CMTM8: variants seen among roughly 807,000 people sequenced by gnomAD.
The protein encoded by CMTM8 is CKLF-like MARVEL transmembrane domain-containing protein 8.
Under a neutral mutation model 18.6 loss-of-function variants are expected in CMTM8, and 12 were observed. That is an observed-to-expected ratio of 0.65 (90% CI 0.41 to 1.05). The LOEUF (loss-of-function observed/expected upper bound fraction) is 1.05, where lower values mean the gene tolerates loss of function less well. CMTM8 is among the 50% of genes least tolerant of loss of function. The pLI is 0.00. For missense variants in CMTM8, 217 were observed against 227.2 expected, an observed-to-expected ratio of 0.95 and a Z score of 0.29; for synonymous variants, 87 against 90.6, an observed-to-expected ratio of 0.96 and a Z score of 0.23.
chr3:32,256,732 C>T (rs1702178078), intron 1 of CMTM8, among the ~76,000 whole-genome samples: 1 of 152,202 alleles, frequency 6.6e-6, no homozygotes, highest in African/African-American at 2.4e-5. Context: ...TCTCCCTGCC[C>T]TCACTCTAAT....
chr3:32,287,487 A>G (rs750038275), intron 1 of CMTM8, among the ~76,000 whole-genome samples: 36 of 152,176 alleles, frequency 2.4e-4, no homozygotes, highest in Non-Finnish European at 4.1e-4. Context: ...TAACTGATTT[A>G]TTTTTGTAGT....
chr3:32,354,245 C>T (rs928496510), intron 1 of CMTM8, among the ~76,000 whole-genome samples: 2 of 151,674 alleles, frequency 1.3e-5, no homozygotes, highest in South Asian at 2.1e-4. Flanking sequence ...TTATCTTAAA[C>T]ACAAAGCAAA....
intron 1 of CMTM8, among the ~76,000 whole-genome samples, chr3:32,324,705 C>G (rs1206787512): frequency 6.6e-6 from 1 of 151,640 alleles, no homozygotes; most frequent in Non-Finnish European, 1.5e-5. Flanking sequence ...GCAGAATTAC[C>G]TACCAACCCC....
chr3:32,351,303 A>G (rs897462965), intron 1 of CMTM8, among the ~76,000 whole-genome samples: 9 of 152,268 alleles, frequency 5.9e-5, no homozygotes, highest in African/African-American at 1.9e-4. Flanking sequence ...ATGCTAGTGG[A>G]TTAAAGATGT....
At chr3:32,273,822 C>T (rs12330304) in intron 1 of CMTM8, among the ~76,000 whole-genome samples, 2,599 of 152,026 alleles carry the variant, frequency 0.017, 78 homozygotes, top group African/African-American at 0.057. Flanking sequence ...ACACTTTAAA[C>T]GGTGAATTTT....
Position 32,291,296 on chromosome 3 carries a change from T to C in CMTM8, c.147+52177T>C, listed in dbSNP as rs1299812531. 5.3e-5 allele frequency among the ~76,000 whole-genome samples: 8 copies of C among 152,116 alleles called. No individual in the cohort carries two copies. The East Asian group carries it at 1.5e-3, about 29-fold the overall frequency. ...GGTGCCCGCCACCACATCTGGCTAA[T>C]TTTTTTGTTGTTGTTGTATTTTTTT... On this transcript the variant is annotated intron_variant, in intron 1 of 3. Transcript: ENST00000307526.
intron 1 of CMTM8, among the ~76,000 whole-genome samples, chr3:32,343,356 T>A: frequency 6.6e-6 from 1 of 152,260 alleles, no homozygotes; most frequent in East Asian, 1.9e-4. Flanking sequence ...GACTGCTGTC[T>A]GATGCCAGGC....
intron 1 of CMTM8, among the ~76,000 whole-genome samples, chr3:32,261,153 G>A (rs1174179159): frequency 6.7e-6 from 1 of 148,406 alleles, no homozygotes; most frequent in East Asian, 2.0e-4. Context: ...GCGACAGAGT[G>A]AGACTGTGTC....
chr3:32,332,409 A>C (rs1696297913), intron 1 of CMTM8, among the ~76,000 whole-genome samples: 1 of 152,020 alleles, frequency 6.6e-6, no homozygotes, highest in East Asian at 1.9e-4. Flanking sequence ...CTGGGATAGA[A>C]TCTCAAGCAA....
At chr3:32,288,294 A>AT (rs1378290105) in intron 1 of CMTM8, among the ~76,000 whole-genome samples, 3 of 152,132 alleles carry the variant, frequency 2.0e-5, no homozygotes, top group Admixed American at 6.5e-5. Flanking sequence ...TCATTTCTTT[A>AT]TTTTTTAGAG....
chr3:32,365,849 T>C (rs974588660), intron 2 of CMTM8, among the ~76,000 whole-genome samples: 2 of 152,210 alleles, frequency 1.3e-5, no homozygotes, highest in African/African-American at 4.8e-5. Flanking sequence ...ACTTGAATAG[T>C]CTCTGATCCA....
chr3:32,349,310 A>G (rs1447787733), intron 1 of CMTM8, among the ~76,000 whole-genome samples: 1 of 152,012 alleles, frequency 6.6e-6, no homozygotes, highest in African/African-American at 2.4e-5. Context: ...GTGTTGGGGA[A>G]TCCCCAAAGT....
At chr3:32,319,304 C>T (rs536420697) in intron 1 of CMTM8, among the ~76,000 whole-genome samples, 6 of 151,390 alleles carry the variant, frequency 4.0e-5, no homozygotes, top group South Asian at 2.1e-4. Context: ...GTCTCGAACT[C>T]CTGACCTCAG....
Position 32,270,378 on chromosome 3 carries a change from C to T in CMTM8, c.147+31259C>T, listed in dbSNP as rs140234337. On this transcript the variant is annotated intron_variant, in intron 1 of 3. Coordinates refer to ENST00000307526, the MANE Select transcript of CMTM8 (RefSeq NM_178868.5). ...AGCCATCCCATTACTGGGTATATAC[C>T]CAAAGGAGTATAAATCATGCTACTA... is the stretch of plus-strand genomic sequence containing the variant. Among the ~76,000 whole-genome samples the T allele has an allele frequency of 8.2e-3, 1,253 of 152,148 alleles. 29 individuals carry two copies. The highest frequency in any genetic ancestry group is 0.029 in the African/African-American group (1,202 of 41,500).
intron 1 of CMTM8, among the ~76,000 whole-genome samples, chr3:32,336,071 G>C (rs114997007): frequency 9.2e-5 from 14 of 152,304 alleles, no homozygotes; most frequent in African/African-American, 3.4e-4. Context: ...TGGCGTCTTT[G>C]GTGGAGGCAA....
In CMTM8 at chr3:32,251,517, T is replaced by C. The variant is rs1444534217; in HGVS notation, c.147+12398T>C. Among the ~76,000 whole-genome samples, 3 of 151,722 alleles carry C rather than the reference T, an allele frequency of 2.0e-5. No individual in the cohort carries two copies. In the East Asian group the frequency reaches 5.9e-4, roughly 30 times the overall value. ...TTTGGTGGAGACAGGTTTTGCCATG[T>C]TGCCCAGATTGGTCTTGAACTCCTG... On this transcript the variant is annotated intron_variant, in intron 1 of 3. Transcript: ENST00000307526.
intron 2 of CMTM8, among the ~76,000 whole-genome samples, chr3:32,362,046 C>CTTTTTTTTTTTTTTTTTTTT (rs60064096): frequency 2.2e-5 from 2 of 92,066 alleles, no homozygotes; most frequent in African/African-American, 3.9e-5. Context: ...ATTTTCTTTT[C>CTTTTTTTTTTTTTTTTTTTT]TTTTTTTTTT....
intron 1 of CMTM8, among the ~76,000 whole-genome samples, chr3:32,346,444 A>T (rs1210897837): frequency 6.6e-6 from 1 of 152,224 alleles, no homozygotes; most frequent in Non-Finnish European, 1.5e-5. Flanking sequence ...CTTAAACAAC[A>T]GGAATTTATT....
chr3:32,278,245 G>C (rs1702548425), intron 1 of CMTM8, among the ~76,000 whole-genome samples: 1 of 152,226 alleles, frequency 6.6e-6, no homozygotes, highest in Admixed American at 6.5e-5. Flanking sequence ...GGCCACATCT[G>C]ACTGCAGATG....
Sources: allele counts gnomAD v4.1 joint callset (sites outside exome capture counted in the v4.1 genomes callset), GRCh38; gene constraint gnomAD v4.1.1; transcripts MANE v1.5; gene names NCBI Gene and HGNC (gene_info 2026-07-23, HGNC 2026-07-21).